GPHN: variants seen among roughly 807,000 people sequenced by gnomAD.
The protein encoded by GPHN is gephyrin.
A neutral mutation model predicts 95.5 loss-of-function variants in GPHN; 17 were observed. The observed-to-expected ratio is 0.18, with a 90% CI of 0.12 to 0.27. The LOEUF (loss-of-function observed/expected upper bound fraction) is 0.27. GPHN is among the 10% of genes least tolerant of loss of function. GPHN has a pLI of 1.00. For missense variants in GPHN, 660 were observed against 978.1 expected (o/e 0.67, Z 4.34); for synonymous variants, 320 against 322.5 (o/e 0.99, Z 0.08).
the GPHN span, among the ~76,000 whole-genome samples, chr14:67,308,554 T>TC: frequency 6.8e-6 from 1 of 147,408 alleles, no homozygotes; most frequent in African/African-American, 2.5e-5. Context: ...TTCTTTTTTT[T>TC]TTTTTTTTGG....
At chr14:67,102,748 A>G (rs911534739) in intron 13 of GPHN, among the ~76,000 whole-genome samples, 1 of 152,248 alleles carries the variant, frequency 6.6e-6, no homozygotes, top group East Asian at 1.9e-4. Flanking sequence ...GGCAAACGCT[A>G]TGTTCCATGC....
At chr14:66,678,393 T>G (rs2066735937) in intron 1 of GPHN, among the ~76,000 whole-genome samples, 2 of 151,966 alleles carry the variant, frequency 1.3e-5, no homozygotes, top group African/African-American at 4.8e-5. Flanking sequence ...ATTTTTTTAA[T>G]TTTAATCATT....
At chr14:66,665,029 T>A (rs946049301) in intron 1 of GPHN, among the ~76,000 whole-genome samples, 3 of 147,778 alleles carry the variant, frequency 2.0e-5, no homozygotes, top group African/African-American at 7.5e-5. Context: ...ACCAGACGGC[T>A]TCACAGCTGA....
chr14:67,659,380 A>C, the GPHN span, among the ~76,000 whole-genome samples: 1 of 152,222 alleles, frequency 6.6e-6, no homozygotes, highest in African/African-American at 2.4e-5. Flanking sequence ...AGAGAATAAA[A>C]AAGATCAAGG....
chr14:66,655,569 C>CATGAAACAAAAAG (rs2065258301), intron 1 of GPHN, among the ~76,000 whole-genome samples: 1 of 151,994 alleles, frequency 6.6e-6, no homozygotes, highest in African/African-American at 2.4e-5. Context: ...CTCCTTCTTT[C>CATGAAACAAAAAG]CAGTCTGTTT....
chr14:67,035,373 G>T (rs540534662), intron 10 of GPHN, among the ~76,000 whole-genome samples: 2 of 151,736 alleles, frequency 1.3e-5, no homozygotes, highest in Non-Finnish European at 3.0e-5. Context: ...TTAGGAGAAA[G>T]AAGGAAATAA....
chr14:67,066,747 C>T (rs928300065), intron 11 of GPHN, among the ~76,000 whole-genome samples: 3 of 152,220 alleles, frequency 2.0e-5, no homozygotes, highest in African/African-American at 7.2e-5. Flanking sequence ...GCATGCCTCC[C>T]GAAGTTCTCG....
At chr14:66,576,056 G>T (rs2060887315) in intron 1 of GPHN, among the ~76,000 whole-genome samples, 1 of 152,156 alleles carries the variant, frequency 6.6e-6, no homozygotes, top group Non-Finnish European at 1.5e-5. Flanking sequence ...GGCAGGCCTA[G>T]ATGTTGGGTC....
At chr14:67,445,577 C>CT in the GPHN span, among the ~76,000 whole-genome samples, 3,395 of 59,838 alleles carry the variant, frequency 0.057, 533 homozygotes, top group African/African-American at 0.14. Flanking sequence ...AGAGGCAATT[C>CT]TTTTTTTTTT....
At chr14:66,997,897 C>T (rs1425034258) in intron 9 of GPHN, among the ~76,000 whole-genome samples, 1 of 152,200 alleles carries the variant, frequency 6.6e-6, no homozygotes, top group Non-Finnish European at 1.5e-5. Flanking sequence ...ATCATCTCAT[C>T]ACCACATTTT....
rs79971077 is a variant in GPHN, at chr14:66,855,919, T to G, written c.295-24020T>G. 1.6e-3 allele frequency among the ~76,000 whole-genome samples: 251 copies of G among 152,252 alleles called. 5 individuals carry two copies. The East Asian group carries it at 0.044, about 27-fold the overall frequency. On this transcript the variant is annotated intron_variant, in intron 4 of 22. Transcript: ENST00000478722. ...CCTGAAGTAGCCATTTGCCTAACATTAGGACACTTACCATTTTCTTTTATC... is the reference window on the plus strand; with the variant it reads ...CCTGAAGTAGCCATTTGCCTAACATGAGGACACTTACCATTTTCTTTTATC...
intron 3 of GPHN, among the ~76,000 whole-genome samples, chr14:66,788,054 G>A (rs1195730673): frequency 2.0e-5 from 3 of 152,284 alleles, no homozygotes; most frequent in African/African-American, 4.8e-5. Flanking sequence ...TGCAGGCCGG[G>A]TGCAGTGGCA....
intron 21 of GPHN, among the ~76,000 whole-genome samples, chr14:67,172,928 T>G (rs2140108721): frequency 6.6e-6 from 1 of 152,214 alleles, no homozygotes; most frequent in South Asian, 2.1e-4. Context: ...TAAGCCCTAT[T>G]GACTCAGGTT....
At chr14:67,246,459 T>C in the GPHN span, among the ~76,000 whole-genome samples, 15 of 152,016 alleles carry the variant, frequency 9.9e-5, no homozygotes, top group Admixed American at 9.8e-4. Context: ...ATCCTCCCAC[T>C]TTCCCCAGTG....
chr14:67,066,827 G>A (rs188867549), intron 11 of GPHN, among the ~76,000 whole-genome samples: 91 of 152,152 alleles, frequency 6.0e-4, no homozygotes, highest in Non-Finnish European at 9.7e-4. Flanking sequence ...TTAGCCATTC[G>A]TCTAACCTTT....
chr14:67,422,441 T>C, the GPHN span, among the ~76,000 whole-genome samples: 1 of 152,202 alleles, frequency 6.6e-6, no homozygotes, highest in Non-Finnish European at 1.5e-5. Context: ...CTGTGTGAAT[T>C]TGCTCTTGAT....
chr14:67,416,277 A>G, the GPHN span, among the ~76,000 whole-genome samples: 1 of 152,232 alleles, frequency 6.6e-6, no homozygotes, highest in Non-Finnish European at 1.5e-5. Context: ...GCTGTGTGTT[A>G]TCTCAGTCAA....
chr14:67,327,518 C>T, the GPHN span, among the ~76,000 whole-genome samples: 308 of 150,672 alleles, frequency 2.0e-3, no homozygotes, highest in African/African-American at 7.1e-3. Flanking sequence ...ACTTTAAGTT[C>T]TAGGGTACAT....
the GPHN span, chr14:67,343,374 T>C: frequency 6.2e-7 from 1 of 1,610,916 alleles, no homozygotes; most frequent in Non-Finnish European, 8.5e-7. Flanking sequence ...ATACTCACCA[T>C]GTTCAATGGC....
Sources: allele counts gnomAD v4.1 joint callset (sites outside exome capture counted in the v4.1 genomes callset), GRCh38; gene constraint gnomAD v4.1.1; transcripts MANE v1.5; gene names NCBI Gene and HGNC (gene_info 2026-07-23, HGNC 2026-07-21).